PRKAR1A: variants seen among roughly 807,000 people sequenced by gnomAD.
PRKAR1A encodes the protein protein kinase cAMP-dependent type I regulatory subunit alpha.
A neutral mutation model predicts 52.0 loss-of-function variants in PRKAR1A; 3 were observed. That is an observed-to-expected ratio of 0.06 (90% confidence interval 0.03 to 0.15). The LOEUF (loss-of-function observed/expected upper bound fraction) is 0.15. Ranked by LOEUF, PRKAR1A falls within the 10% of genes least tolerant of loss-of-function variation. PRKAR1A has a pLI of 1.00. For synonymous variants in PRKAR1A, 188 were observed against 168.4 expected (o/e 1.12, Z -0.90); for missense variants, 240 against 477.4 (o/e 0.50, Z 4.63).
chr17:68,443,583 A>G, the PRKAR1A span, among the ~76,000 whole-genome samples: 1 of 152,318 alleles, frequency 6.6e-6, no homozygotes, highest in Non-Finnish European at 1.5e-5. Flanking sequence ...TTTAATTCTC[A>G]GCCAACCCTG....
intron 11 of PRKAR1A, among the ~76,000 whole-genome samples, chr17:68,550,369 CTTTTTTTTTTTT>C (rs747654899): frequency 5.0e-5 from 4 of 79,390 alleles, no homozygotes; most frequent in South Asian, 5.8e-4. Flanking sequence ...AATGGGGGAA[CTTTTTTTTTTTT>C]TTTTTTTTTT....
intron 11 of PRKAR1A, chr17:68,542,003 G>T (rs1327242128): frequency 1.2e-6 from 2 of 1,613,960 alleles, no homozygotes; most frequent in Admixed American, 1.7e-5. Context: ...TCCTGCCAGT[G>T]TGTAGGAGCG....
At chr17:68,437,352 C>T in the PRKAR1A span, among the ~76,000 whole-genome samples, 53,468 of 151,848 alleles carry the variant, frequency 0.35, 9,789 homozygotes, top group Middle Eastern at 0.47. Flanking sequence ...GTCAGGAGTT[C>T]GAGATCGGGC....
chr17:68,426,253 G>GGCCCCCC, the PRKAR1A span: 1 of 841,014 alleles, frequency 1.2e-6, no homozygotes. Flanking sequence ...GGGGAGCGGG[G>GGCCCCCC]GCTCAAATAA....
At chr17:68,518,646 A>G (rs2143204034) in intron 2 of PRKAR1A, among the ~76,000 whole-genome samples, 1 of 152,348 alleles carries the variant, frequency 6.6e-6, no homozygotes, top group African/African-American at 2.4e-5. Context: ...CTCTGGGCCT[A>G]TGATGGGAGG....
At chr17:68,426,254 G>GGCCCCCCCCCCCCCCCCC in the PRKAR1A span, 6 of 816,916 alleles carry the variant, frequency 7.3e-6, no homozygotes, top group East Asian at 7.0e-5. Flanking sequence ...GGGAGCGGGG[G>GGCCCCCCCCCCCCCCCCC]CTCAAATAAA....
chr17:68,543,735 A>G (rs772335458), intron 11 of PRKAR1A: 1 of 1,609,114 alleles, frequency 6.2e-7, no homozygotes, highest in South Asian at 1.1e-5. Flanking sequence ...GAAGGAAGGA[A>G]GGAATCACGC....
the PRKAR1A span, among the ~76,000 whole-genome samples, chr17:68,436,949 G>A: frequency 6.6e-5 from 10 of 151,404 alleles, no homozygotes; most frequent in East Asian, 1.2e-3. Flanking sequence ...AGTGGAGATC[G>A]TGCCACTGCA....
chr17:68,513,363 AG>A (rs1416978231), intron 1 of PRKAR1A: 1 of 152,332 alleles, frequency 6.6e-6, no homozygotes, highest in African/African-American at 2.4e-5. Context: ...TAGCAGAGCG[AG>A]GAAAGCAAAC....
the PRKAR1A span, among the ~76,000 whole-genome samples, chr17:68,433,772 T>G: frequency 2.6e-3 from 52 of 20,024 alleles, no homozygotes; most frequent in African/African-American, 5.8e-3. Flanking sequence ...TTTTTTTTTT[T>G]TTTTTTTTTT....
At chr17:68,458,038 C>G in the PRKAR1A span, among the ~76,000 whole-genome samples, 1 of 145,678 alleles carries the variant, frequency 6.9e-6, no homozygotes, top group Non-Finnish European at 1.5e-5. Flanking sequence ...ATTAAACTTA[C>G]AGAGTTTAGC....
At chr17:68,545,960 G>C (rs572089969) in intron 11 of PRKAR1A, among the ~76,000 whole-genome samples, 15 of 152,176 alleles carry the variant, frequency 9.9e-5, no homozygotes, top group African/African-American at 3.6e-4. Flanking sequence ...ACGAGGTCAG[G>C]TGATTGAGAC....
At chr17:68,429,520 T>C in the PRKAR1A span, among the ~76,000 whole-genome samples, 1 of 152,210 alleles carries the variant, frequency 6.6e-6, no homozygotes, top group Admixed American at 6.5e-5. Flanking sequence ...GGCTGCCCCC[T>C]GAGAATCCGT....
At chr17:68,447,991 AAAAAAAAAAAAAAAAGAT>A in the PRKAR1A span, among the ~76,000 whole-genome samples, 1 of 148,514 alleles carries the variant, frequency 6.7e-6, no homozygotes, top group African/African-American at 2.6e-5. Context: ...TCTCAAAAAA[AAAAAAAAAAAAAAAAGAT>A]AAAAGGGATT....
At chr17:68,435,582 C>T in the PRKAR1A span, 184 of 1,602,002 alleles carry the variant, frequency 1.1e-4, no homozygotes, top group East Asian at 2.5e-4. Context: ...AGCCATCCAG[C>T]GAAACCCAGA....
chr17:68,505,160 T>C, the PRKAR1A span, among the ~76,000 whole-genome samples: 2 of 152,166 alleles, frequency 1.3e-5, no homozygotes, highest in African/African-American at 2.4e-5. Context: ...TAGCTGAGCA[T>C]GGTGGTGTGC....
the PRKAR1A span, among the ~76,000 whole-genome samples, chr17:68,500,924 A>G: frequency 1.3e-5 from 2 of 152,336 alleles, no homozygotes; most frequent in South Asian, 4.1e-4. Flanking sequence ...TGAGTAGAAA[A>G]GCAGTTAATG....
the PRKAR1A span, among the ~76,000 whole-genome samples, chr17:68,503,170 CTACACATT>C: frequency 6.6e-6 from 1 of 152,198 alleles, no homozygotes; most frequent in Non-Finnish European, 1.5e-5. Context: ...GGAGGAACCA[CTACACATT>C]TAACAGGATG....
At chr17:68,480,680 T>C in the PRKAR1A span, among the ~76,000 whole-genome samples, 1 of 152,208 alleles carries the variant, frequency 6.6e-6, no homozygotes, top group Non-Finnish European at 1.5e-5. Flanking sequence ...CCTGAGTAGC[T>C]GGGACTACAG....
Sources: gnomAD v4.1 joint callset for allele counts (sites outside exome capture counted in the v4.1 genomes callset) on GRCh38, gnomAD v4.1.1 for gene constraint, MANE v1.5 for transcripts, NCBI Gene and HGNC (gene_info 2026-07-23, HGNC 2026-07-21) for gene names.